The following RPGRIP1 variants were observed in gnomAD, a reference collection of about 807,000 sequenced individuals.
RPGRIP1 encodes the protein RPGR interacting protein 1.
RPGRIP1 carries 128 observed loss-of-function variants against 157.9 expected under a neutral mutation model. The ratio of observed to expected loss-of-function variants is 0.81; its 90% CI spans 0.70 to 0.94. The LOEUF is 0.94. Ranked by LOEUF, RPGRIP1 falls within the 40% of genes least tolerant of loss-of-function variation. The pLI is 0.00. For missense variants in RPGRIP1, 1,486 were observed against 1,545.8 expected (o/e 0.96, Z 0.65); for synonymous variants, 554 against 571.6 (o/e 0.97, Z 0.44).
intron 18 of RPGRIP1, 51 bp from the exon 19 acceptor site, chr14:21,328,373 T>C: frequency 7.4e-7 from 1 of 1,358,870 alleles, no homozygotes; most frequent in Non-Finnish European, 1.0e-6. Context: ...CTTGTGTTTC[T>C]AGGTTGTTAA....
At position 21,321,364 on chromosome 14, in the gene RPGRIP1, A is replaced by G. The variant is rs1337635928; in HGVS notation, c.1573A>G (p.Met525Val). The G allele has an allele frequency of 5.6e-6, 9 of 1,613,306 alleles. No individual in the cohort carries two copies. The highest frequency in any genetic ancestry group is 3.3e-4 in the Middle Eastern group (2 of 6,076). ...ATTGGAACTAGAAAAGACCAGGGAC[A>G]TGCTTATTCTGCAGCGCAAAATCAA... is the stretch of plus-strand genomic sequence containing the variant. Reference protein sequence around the residue: ...TTLELEKTRDMLILQRKINVC... With the variant: ...TTLELEKTRDVLILQRKINVC... The change falls in exon 13 of 25, where the codon ATG becomes GTG. Residue 525 changes from methionine (M) to valine (V), a missense_variant. Coordinates refer to ENST00000400017, the MANE Select transcript of RPGRIP1 (RefSeq NM_020366.4).
chr14:21,328,879 C>T (rs1170960903), intron 19 of RPGRIP1, among the ~76,000 whole-genome samples: 1 of 152,064 alleles, frequency 6.6e-6, no homozygotes, highest in African/African-American at 2.4e-5. Context: ...TGCAGTGGCT[C>T]ACGCCTGTAA....
At chr14:21,297,881 T>TTTCTTTCTTTCTTTCTTTCTTTC (rs1555365068) in intron 3 of RPGRIP1, among the ~76,000 whole-genome samples, 616 of 17,506 alleles carry the variant, frequency 0.035, 4 homozygotes, top group African/African-American at 0.068. Context: ...TTCTTTCTTT[T>TTTCTTTCTTTCTTTCTTTCTTTC]TTTTGAGATA....
At chr14:21,321,746 T>C (rs1882496420) in intron 13 of RPGRIP1, 108 bp from the exon 14 acceptor site, 1 of 1,104,378 alleles carries the variant, frequency 9.1e-7, no homozygotes, top group Admixed American at 2.7e-5. Flanking sequence ...TGGGTGAACC[T>C]GCCCAGCTAA....
At chr14:21,308,925 T>A (rs991109965) in intron 7 of RPGRIP1, among the ~76,000 whole-genome samples, 2 of 151,938 alleles carry the variant, frequency 1.3e-5, no homozygotes, top group African/African-American at 4.8e-5. Flanking sequence ...AAGGGCGCCA[T>A]GATGTTCTAC....
At chr14:21,345,228 G>A in intron 23 of RPGRIP1, 31 bp downstream of exon 23, 1 of 1,497,852 alleles carries the variant, frequency 6.7e-7, no homozygotes, top group Non-Finnish European at 9.2e-7. Flanking sequence ...TTGAAACAAA[G>A]GAGATATTGA....
intron 3 of RPGRIP1, among the ~76,000 whole-genome samples, chr14:21,299,627 G>C (rs1410382999): frequency 1.3e-5 from 2 of 152,054 alleles, no homozygotes; most frequent in Non-Finnish European, 1.5e-5. Flanking sequence ...ACAATCTACT[G>C]CTTTTATCTT....
chr14:21,286,514 G>C (rs1284283331), intron 1 of RPGRIP1, among the ~76,000 whole-genome samples: 3 of 151,838 alleles, frequency 2.0e-5, no homozygotes, highest in Non-Finnish European at 4.4e-5. Flanking sequence ...ATAAGAAATT[G>C]GGCTGGCTGC....
chr14:21,344,938 T>TCACA (rs138358355), intron 22 of RPGRIP1, among the ~76,000 whole-genome samples, 175 bp from the exon 23 acceptor site: 1 of 150,726 alleles, frequency 6.6e-6, no homozygotes, highest in Non-Finnish European at 1.5e-5. Flanking sequence ...TAAGAATCTG[T>TCACA]CACACACACA....
At chr14:21,297,393 C>G (rs1880832870) in intron 3 of RPGRIP1, among the ~76,000 whole-genome samples, 1 of 152,088 alleles carries the variant, frequency 6.6e-6, no homozygotes, top group African/African-American at 2.4e-5. Flanking sequence ...CCGCGCCTGT[C>G]CCAGTGGGAA....
At chr14:21,294,457 T>G (rs1422645318) in intron 2 of RPGRIP1, among the ~76,000 whole-genome samples, 1 of 152,096 alleles carries the variant, frequency 6.6e-6, no homozygotes, top group Non-Finnish European at 1.5e-5. Context: ...CTCGAACTCC[T>G]GACCTCACAA....
intron 2 of RPGRIP1, among the ~76,000 whole-genome samples, chr14:21,294,246 T>C (rs1436242180): frequency 3.5e-5 from 5 of 143,044 alleles, no homozygotes; most frequent in African/African-American, 1.0e-4. Context: ...TTTTTTTTTT[T>C]CCAAGGCAGA....
At position 21,325,009 on chromosome 14, in the gene RPGRIP1, G is replaced by T; in HGVS notation, c.2154G>T (p.Trp718Cys). The change falls in exon 15 of 25, where the codon TGG becomes TGT. Residue 718 changes from tryptophan (W) to cysteine (C), a missense_variant. By Grantham distance (215) the Trp-to-Cys change is radical. Transcript: ENST00000400017. ...AACACAGCACTCTTGCTGCAGGATG[G>T]ATTTGCTTTGACAGGGTGCTAGAGA... is the stretch of plus-strand genomic sequence containing the variant. Reference protein sequence around the residue: ...ASEHSTLAAGWICFDRVLETV... With the variant: ...ASEHSTLAAGCICFDRVLETV... 6.2e-7 allele frequency: 1 copy of T among 1,614,010 alleles called. No individual in the cohort carries two copies. Among genetic ancestry groups the T allele is most frequent in the South Asian group, 1.1e-5 (1 of 91,074 alleles).
At chr14:21,304,620 A>C (rs77842738) in intron 6 of RPGRIP1, among the ~76,000 whole-genome samples, 5,065 of 152,160 alleles carry the variant, frequency 0.033, 234 homozygotes, top group East Asian at 0.26. Flanking sequence ...TTTTATAGCA[A>C]AATTAAGCAG....
In RPGRIP1 at chr14:21,320,150, T is replaced by A; in HGVS notation, c.1440T>A (p.Ala480=). Residue 480 remains alanine, a synonymous_variant, in exon 12 of 25, where the codon GCT becomes GCA. Coordinates refer to ENST00000400017, the MANE Select transcript of RPGRIP1 (RefSeq NM_020366.4). ...AATCTGAACCAGCCACTCACCCAGC[T>A]GTATTGCAAGAGAACACTCAGATCG... The part of the protein sequence containing the change: ...DRQSEPATHP[A]VLQENTQIEP... The A allele has an allele frequency of 6.2e-7, 1 of 1,613,930 alleles. No homozygotes were observed. Among genetic ancestry groups the A allele is most frequent in the Non-Finnish European group, 8.5e-7 (1 of 1,179,856 alleles).
At chr14:21,340,312 G>T (rs1282608705) in intron 21 of RPGRIP1, among the ~76,000 whole-genome samples, 1 of 152,220 alleles carries the variant, frequency 6.6e-6, no homozygotes, top group East Asian at 1.9e-4. Context: ...TGTATACTGT[G>T]TGCCAGACAT....
Position 21,281,229 on chromosome 14 carries a change from G to T in RPGRIP1, c.-39+1070G>T, listed in dbSNP as rs1057372918. ...GACAGGGTTTTACCATGTTGGCCAC[G>T]GCCAGGATGGTCTTGATCTCTTGAT... On this transcript the variant is annotated intron_variant, in intron 1 of 24. Coordinates refer to ENST00000400017, the MANE Select transcript of RPGRIP1 (RefSeq NM_020366.4). 4.6e-5 allele frequency among the ~76,000 whole-genome samples: 7 copies of T among 151,716 alleles called. No homozygotes were observed. The East Asian group carries it at 1.4e-3, about 30-fold the overall frequency.
At chr14:21,321,128 T>G in intron 12 of RPGRIP1, 131 bp from the exon 13 acceptor site, 1 of 876,196 alleles carries the variant, frequency 1.1e-6, no homozygotes, top group Admixed American at 3.0e-5. Context: ...GTCATACAGG[T>G]CCTTGTTTAC....
chr14:21,325,720 T>C (rs1410779434), intron 16 of RPGRIP1, 111 bp from the exon 17 acceptor site: 2 of 814,288 alleles, frequency 2.5e-6, no homozygotes, highest in South Asian at 1.9e-5. Context: ...CCTGATCCAG[T>C]TGGGATAGCT....
Sources: gnomAD v4.1 joint callset for allele counts (sites outside exome capture counted in the v4.1 genomes callset) on GRCh38, gnomAD v4.1.1 for gene constraint, MANE v1.5 for transcripts, NCBI Gene and HGNC (gene_info 2026-07-23, HGNC 2026-07-21) for gene names.